Variants in CEP83 observed in about 807,000 individuals in gnomAD.
The protein encoded by CEP83 is centrosomal protein of 83 kDa.
A neutral mutation model predicts 101.9 loss-of-function variants in CEP83; 70 were observed. The observed-to-expected ratio is 0.69, with a 90% confidence interval of 0.57 to 0.84. CEP83 has a LOEUF of 0.84. Ranked by LOEUF, CEP83 falls within the 40% of genes least tolerant of loss-of-function variation. The pLI is 0.00. For missense variants in CEP83, 715 were observed against 787.2 expected, an observed-to-expected ratio of 0.91 and a Z score of 1.10; for synonymous variants, 264 against 267.9, an observed-to-expected ratio of 0.99 and a Z score of 0.14.
chr12:94,354,213 T>TG (rs1346441432), intron 11 of CEP83, among the ~76,000 whole-genome samples: 1 of 151,988 alleles, frequency 6.6e-6, no homozygotes, highest in South Asian at 2.1e-4. Flanking sequence ...TTTTTTGAGA[T>TG]GGAGTCTTGC....
intron 11 of CEP83, among the ~76,000 whole-genome samples, chr12:94,348,606 C>T (rs970647232): frequency 6.6e-6 from 1 of 152,074 alleles, no homozygotes; most frequent in Non-Finnish European, 1.5e-5. Flanking sequence ...CAGAGCACTT[C>T]CCGAAGCCAA....
At chr12:94,388,699 T>C (rs577453379) in intron 6 of CEP83, among the ~76,000 whole-genome samples, 21 of 152,352 alleles carry the variant, frequency 1.4e-4, no homozygotes, top group African/African-American at 4.8e-4. Context: ...TGACTTTAAT[T>C]TGTGCTTTTG....
the CEP83 span, among the ~76,000 whole-genome samples, chr12:94,267,713 G>A: frequency 6.6e-6 from 1 of 152,272 alleles, no homozygotes; most frequent in South Asian, 2.1e-4. Context: ...CACATGATCC[G>A]TTCTATGCTT....
chr12:94,284,666 C>G, the CEP83 span, among the ~76,000 whole-genome samples: 1 of 151,990 alleles, frequency 6.6e-6, no homozygotes, highest in South Asian at 2.1e-4. Flanking sequence ...CTGGTAACAG[C>G]TAGTCAGTGG....
At chr12:94,275,854 C>CAA in the CEP83 span, among the ~76,000 whole-genome samples, 70 of 23,086 alleles carry the variant, frequency 3.0e-3, 3 homozygotes, top group African/African-American at 9.0e-3. Context: ...GACTCCGTCT[C>CAA]AAAAAAAAAA....
the CEP83 span, chr12:94,279,545 T>A: frequency 6.2e-7 from 1 of 1,614,108 alleles, no homozygotes; most frequent in Admixed American, 1.7e-5. Flanking sequence ...TCAGTCAATG[T>A]TCTCGACTGT....
Position 94,411,780 on chromosome 12 carries a change from G to A in CEP83, c.241C>T (p.Gln81Ter), listed in dbSNP as rs368619022. 3.5e-5 allele frequency: 57 copies of A among 1,611,974 alleles called. No individual in the cohort carries two copies. The highest frequency in any genetic ancestry group is 4.6e-5 in the Non-Finnish European group (54 of 1,178,806). Residue 81 changes from glutamine (Q) to a stop codon, truncating the protein, a stop_gained, in exon 4 of 17, where the codon CAG (glutamine) becomes TAG (stop). Transcript: ENST00000397809. LOFTEE classifies it high-confidence loss of function. ...KHLFNEKQTQ[Q>*]EKLQLLLEEL... ...TCAAGCAGGAGCTGAAGTTTTTCCT[G>A]CTGAGTTTGCTTTTCATTAAACAGG...
chr12:94,397,767 T>C (rs2062991793), intron 6 of CEP83, among the ~76,000 whole-genome samples: 1 of 152,232 alleles, frequency 6.6e-6, no homozygotes, highest in Non-Finnish European at 1.5e-5. Flanking sequence ...ATATACTAAA[T>C]CTTCGTTTTA....
At chr12:94,457,744 T>A (rs1341513134) in intron 1 of CEP83, among the ~76,000 whole-genome samples, 2 of 152,350 alleles carry the variant, frequency 1.3e-5, no homozygotes, top group East Asian at 3.9e-4. Context: ...TCTCATCATG[T>A]CTCAAATTTT....
intron 1 of CEP83, among the ~76,000 whole-genome samples, chr12:94,437,372 C>T (rs1192326110): frequency 1.3e-5 from 2 of 152,050 alleles, no homozygotes; most frequent in African/African-American, 4.8e-5. Flanking sequence ...CAAACAAATA[C>T]AAGAAGCTCA....
chr12:94,322,505 C>T (rs1221261501), intron 14 of CEP83, among the ~76,000 whole-genome samples: 3 of 152,196 alleles, frequency 2.0e-5, no homozygotes, highest in African/African-American at 7.2e-5. Context: ...CTCCAAATCC[C>T]AAAGGCAAAG....
chr12:94,443,394 GT>G (rs1201749116), intron 1 of CEP83, among the ~76,000 whole-genome samples: 3 of 151,966 alleles, frequency 2.0e-5, no homozygotes, highest in African/African-American at 7.3e-5. Context: ...TATTTTCGGA[GT>G]TTTAGTTGCT....
At chr12:94,386,398 T>A (rs1190991930) in intron 6 of CEP83, among the ~76,000 whole-genome samples, 7 of 152,208 alleles carry the variant, frequency 4.6e-5, no homozygotes, top group Admixed American at 4.6e-4. Context: ...CGCTAATCAA[T>A]ACTGCAAAGT....
At chr12:94,342,824 G>A (rs1012033606) in intron 11 of CEP83, among the ~76,000 whole-genome samples, 9 of 150,940 alleles carry the variant, frequency 6.0e-5, no homozygotes, top group Non-Finnish European at 8.8e-5. Flanking sequence ...AATGCTAAAC[G>A]CTACAATTCA....
At chr12:94,413,794 CTTTAA>C (rs72180412) in intron 2 of CEP83, among the ~76,000 whole-genome samples, 38,418 of 149,916 alleles carry the variant, frequency 0.26, 5,102 homozygotes, top group South Asian at 0.33. Context: ...TAGTTGTCTC[CTTTAA>C]TTTCTTTCTC....
chr12:94,458,591 A>T (rs540806743), intron 1 of CEP83, among the ~76,000 whole-genome samples: 2 of 152,174 alleles, frequency 1.3e-5, no homozygotes, highest in South Asian at 2.1e-4. Flanking sequence ...TAAAAAAATT[A>T]GCCGGGCATG....
chr12:94,314,068 A>C (rs565424237), intron 14 of CEP83, among the ~76,000 whole-genome samples: 17 of 152,336 alleles, frequency 1.1e-4, no homozygotes, highest in African/African-American at 4.1e-4. Flanking sequence ...ACAATACGGA[A>C]AAGTCCAGGT....
chr12:94,440,179 T>C (rs1046026646), intron 1 of CEP83, among the ~76,000 whole-genome samples: 2 of 152,146 alleles, frequency 1.3e-5, no homozygotes, highest in South Asian at 2.1e-4. Context: ...CTGGAAGTCC[T>C]AGCCAGAACA....
chr12:94,276,934 T>A, the CEP83 span: 1 of 152,190 alleles, frequency 6.6e-6, no homozygotes, highest in Non-Finnish European at 1.5e-5. Flanking sequence ...CCGGCTTACC[T>A]CAGAGTTCAG....
Sources: gnomAD v4.1 joint callset for allele counts (sites outside exome capture counted in the v4.1 genomes callset) on GRCh38, gnomAD v4.1.1 for gene constraint, MANE v1.5 for transcripts, NCBI Gene and HGNC (gene_info 2026-07-23, HGNC 2026-07-21) for gene names.